PPARG: variants seen among roughly 807,000 people sequenced by gnomAD.
PPARG encodes the protein peroxisome proliferator-activated receptor gamma.
In PPARG, 17 loss-of-function variants were observed where a neutral mutation model predicts 39.2. The observed-to-expected ratio is 0.43, with a 90% confidence interval of 0.30 to 0.65. The LOEUF (loss-of-function observed/expected upper bound fraction) is 0.65. PPARG is among the 30% of genes least tolerant of loss of function. PPARG has a pLI of 0.13. For missense variants in PPARG, 406 were observed against 585.9 expected (o/e 0.69, Z 3.17); for synonymous variants, 223 against 215.7 (o/e 1.03, Z -0.30).
chr3:12,346,104 T>C (rs552395083), intron 2 of PPARG, among the ~76,000 whole-genome samples: 1 of 152,334 alleles, frequency 6.6e-6, no homozygotes, highest in South Asian at 2.1e-4. Context: ...AAGTGTTTAG[T>C]TGATCCCTAG....
At chr3:12,348,987 T>C (rs952209691) in intron 2 of PPARG, among the ~76,000 whole-genome samples, 1 of 152,226 alleles carries the variant, frequency 6.6e-6, no homozygotes, top group Non-Finnish European at 1.5e-5. Flanking sequence ...GCATGTCTTA[T>C]AAATTCTCTG....
At chr3:12,369,182 A>G (rs1575068996) in intron 2 of PPARG, among the ~76,000 whole-genome samples, 1 of 152,140 alleles carries the variant, frequency 6.6e-6, no homozygotes, top group Non-Finnish European at 1.5e-5. Context: ...TTACCTTCCT[A>G]TCTCTAGAAT....
At chr3:12,311,205 G>C (rs796313499) in intron 1 of PPARG, among the ~76,000 whole-genome samples, 3 of 152,240 alleles carry the variant, frequency 2.0e-5, no homozygotes, top group African/African-American at 7.2e-5. Context: ...TGGGACTCAA[G>C]AGTTCCTCCT....
intron 2 of PPARG, among the ~76,000 whole-genome samples, chr3:12,372,680 A>G (rs1219083686): frequency 6.6e-6 from 1 of 152,156 alleles, no homozygotes; most frequent in Non-Finnish European, 1.5e-5. Context: ...CTGGTGTTCA[A>G]TTTTACAATT....
At chr3:12,349,565 G>A (rs1020113127) in intron 2 of PPARG, among the ~76,000 whole-genome samples, 2 of 152,142 alleles carry the variant, frequency 1.3e-5, no homozygotes, top group African/African-American at 4.8e-5. Context: ...TGTAGTTTTT[G>A]CTAATTGACT....
At chr3:12,367,639 G>A (rs1241699740) in intron 2 of PPARG, among the ~76,000 whole-genome samples, 2 of 151,758 alleles carry the variant, frequency 1.3e-5, no homozygotes, top group Non-Finnish European at 2.9e-5. Context: ...GCTTGAGTCC[G>A]GGAGTTTGAG....
At chr3:12,302,694 G>T (rs2046959282) in intron 1 of PPARG, among the ~76,000 whole-genome samples, 1 of 152,174 alleles carries the variant, frequency 6.6e-6, no homozygotes, top group Non-Finnish European at 1.5e-5. Context: ...AACATGGTTG[G>T]AAGTGTAGAT....
At chr3:12,433,060 T>A (rs2051714359) in intron 7 of PPARG, among the ~76,000 whole-genome samples, 1 of 152,274 alleles carries the variant, frequency 6.6e-6, no homozygotes, top group African/African-American at 2.4e-5. Context: ...GTATCAGTAT[T>A]TTAAAACTGT....
At chr3:12,414,500 A>C (rs1183343736) in intron 6 of PPARG, among the ~76,000 whole-genome samples, 1 of 152,186 alleles carries the variant, frequency 6.6e-6, no homozygotes, top group Admixed American at 6.5e-5. Flanking sequence ...TAAATATTTC[A>C]TTAATATAAA....
At chr3:12,321,924 G>A (rs1415739313) in intron 2 of PPARG, among the ~76,000 whole-genome samples, 1 of 152,166 alleles carries the variant, frequency 6.6e-6, no homozygotes, top group Non-Finnish European at 1.5e-5. Context: ...TAAAATTGCA[G>A]TGTCATTGAA....
intron 1 of PPARG, among the ~76,000 whole-genome samples, chr3:12,306,776 T>G (rs2047076406): frequency 6.6e-6 from 1 of 152,192 alleles, no homozygotes; most frequent in South Asian, 2.1e-4. Flanking sequence ...CAAATCTTTA[T>G]ATTTAGTAAC....
At chr3:12,418,473 G>C (rs1245864491) in intron 7 of PPARG, among the ~76,000 whole-genome samples, 1 of 152,228 alleles carries the variant, frequency 6.6e-6, no homozygotes, top group East Asian at 1.9e-4. Flanking sequence ...GTATTATAAA[G>C]AGCACGATCC....
In PPARG at chr3:12,379,784, G is replaced by C; in HGVS notation, c.73G>C (p.Asp25His). 1 of 1,614,000 alleles carries C rather than the reference G, an allele frequency of 6.2e-7. No homozygotes were observed. Among genetic ancestry groups the C allele is most frequent in the South Asian group, 1.1e-5 (1 of 91,080 alleles). Residue 25 changes from aspartate (D) to histidine (H), a missense_variant, in exon 3 of 8, where the codon GAC (aspartate) becomes CAC (histidine). Transcript: ENST00000651735. ...ISSVDLSVME[D>H]HSHSFDIKPF... ...CTCCGTGGATCTCTCCGTAATGGAA[G>C]ACCACTCCCACTCCTTTGATATCAA...
At chr3:12,356,519 T>G (rs2048671155) in intron 2 of PPARG, among the ~76,000 whole-genome samples, 1 of 152,214 alleles carries the variant, frequency 6.6e-6, no homozygotes, top group African/African-American at 2.4e-5. Context: ...TACAAGGGAA[T>G]TATTCCTCAT....
At chr3:12,351,303 G>C (rs1291363238) in intron 2 of PPARG, among the ~76,000 whole-genome samples, 1 of 152,184 alleles carries the variant, frequency 6.6e-6, no homozygotes, top group Non-Finnish European at 1.5e-5. Flanking sequence ...CGGCGAGACA[G>C]TGTGGCAATA....
rs4135313 is a variant in PPARG at position 12,367,020 on chromosome 3, G to A, written c.-8-12684G>A. 5.6e-3 allele frequency among the ~76,000 whole-genome samples: 858 copies of A among 152,088 alleles called. 11 individuals are homozygous for A. The highest frequency in any genetic ancestry group is 0.019 in the African/African-American group (794 of 41,504). On this transcript the variant is annotated intron_variant, in intron 2 of 7. Transcript: ENST00000651735. The stretch of plus-strand genomic sequence containing the variant: ...TAGAATTCACCAGTGAACCCAGTCC[G>A]GTGCCTTCTGTTTCAGAAGGTTATT...
intron 2 of PPARG, among the ~76,000 whole-genome samples, chr3:12,347,652 G>C (rs979432219): frequency 1.3e-5 from 2 of 152,162 alleles, no homozygotes; most frequent in African/African-American, 4.8e-5. Flanking sequence ...CATTCTGGTT[G>C]TTAGCAATTA....
intron 1 of PPARG, among the ~76,000 whole-genome samples, chr3:12,308,278 A>C (rs2047128790): frequency 7.3e-6 from 1 of 137,912 alleles, no homozygotes; most frequent in African/African-American, 2.7e-5. Context: ...TGGGTGGTTG[A>C]GGCTACAGTG....
rs760238759 is a variant in PPARG, at chr3:12,379,896, A to G, written c.185A>G (p.Asp62Gly). Residue 62 changes from aspartate (D) to glycine (G), a missense_variant, in exon 3 of 8, where the codon GAT (aspartate) becomes GGT (glycine). Transcript: ENST00000651735. The stretch of plus-strand genomic sequence containing the variant: ...ACAAGAACAGATCCAGTGGTTGCAG[A>G]TTACAAGTATGACCTGAAACTTCAA... ...PFTRTDPVVA[D>G]YKYDLKLQEY... 6.2e-7 allele frequency: 1 copy of G among 1,612,954 alleles called. No homozygotes were observed. Among genetic ancestry groups the G allele is most frequent in the Non-Finnish European group, 8.5e-7 (1 of 1,178,992 alleles).
Sources: gnomAD v4.1 joint callset for allele counts (sites outside exome capture counted in the v4.1 genomes callset) on GRCh38, gnomAD v4.1.1 for gene constraint, MANE v1.5 for transcripts, NCBI Gene and HGNC (gene_info 2026-07-23, HGNC 2026-07-21) for gene names.